The following CDH12 variants were observed in gnomAD, a reference collection of about 807,000 sequenced individuals.
CDH12 encodes cadherin 12.
CDH12 carries 41 observed loss-of-function variants against 74.1 expected under a neutral mutation model. That is an observed-to-expected ratio of 0.55 (90% CI 0.43 to 0.72). The LOEUF is 0.72. Ranked by LOEUF, CDH12 falls within the 30% of genes least tolerant of loss-of-function variation. The pLI is 0.00. For synonymous variants in CDH12, 399 were observed against 355.0 expected (o/e 1.12, Z -1.39); for missense variants, 945 against 977.2 (o/e 0.97, Z 0.44).
chr5:22,034,862 A>G (rs1473646070), intron 5 of CDH12, among the ~76,000 whole-genome samples: 1 of 152,162 alleles, frequency 6.6e-6, no homozygotes, highest in Non-Finnish European at 1.5e-5. Flanking sequence ...AATAAAATAA[A>G]GCTTTTTGAT....
intron 6 of CDH12, among the ~76,000 whole-genome samples, chr5:21,939,179 G>C (rs1166633653): frequency 6.6e-6 from 1 of 151,116 alleles, no homozygotes; most frequent in African/African-American, 2.4e-5. Flanking sequence ...AATAAAAGTT[G>C]TACTAAATTT....
chr5:22,091,666 T>C (rs1308540212), intron 4 of CDH12, among the ~76,000 whole-genome samples: 2 of 151,994 alleles, frequency 1.3e-5, no homozygotes, highest in Admixed American at 6.6e-5. Flanking sequence ...CTGTCAAAAT[T>C]CAAGCCACGA....
chr5:22,619,087 C>T (rs982855477), intron 1 of CDH12, among the ~76,000 whole-genome samples: 2 of 151,938 alleles, frequency 1.3e-5, no homozygotes, highest in Non-Finnish European at 1.5e-5. Context: ...ACCTTCTTAC[C>T]TTCTATTATT....
chr5:21,882,074 C>A (rs1390588547), intron 6 of CDH12, among the ~76,000 whole-genome samples: 1 of 152,182 alleles, frequency 6.6e-6, no homozygotes, highest in East Asian at 1.9e-4. Context: ...ATATATCAAA[C>A]AATATTGCCA....
At chr5:22,268,674 A>G (rs1736246393) in intron 3 of CDH12, among the ~76,000 whole-genome samples, 1 of 152,042 alleles carries the variant, frequency 6.6e-6, no homozygotes, top group Non-Finnish European at 1.5e-5. Flanking sequence ...TATTCCTTTT[A>G]TTTTTATAAT....
At chr5:22,180,771 G>T (rs1749600811) in intron 4 of CDH12, among the ~76,000 whole-genome samples, 1 of 152,000 alleles carries the variant, frequency 6.6e-6, no homozygotes, top group African/African-American at 2.4e-5. Context: ...AAAGTGCTGG[G>T]ATTATGGGCA....
chr5:21,863,466 T>G (rs1435441725), intron 6 of CDH12, among the ~76,000 whole-genome samples: 1 of 152,162 alleles, frequency 6.6e-6, no homozygotes, highest in African/African-American at 2.4e-5. Context: ...CCAACAGCCT[T>G]ATCATATTTA....
intron 1 of CDH12, among the ~76,000 whole-genome samples, chr5:22,529,869 A>G (rs1737508303): frequency 6.6e-6 from 1 of 152,178 alleles, no homozygotes; most frequent in African/African-American, 2.4e-5. Flanking sequence ...ACAGATGTTC[A>G]GCATGAATGG....
chr5:22,463,231 G>A (rs928752455), intron 2 of CDH12, among the ~76,000 whole-genome samples: 3 of 151,358 alleles, frequency 2.0e-5, no homozygotes, highest in South Asian at 2.1e-4. Context: ...TTACATTTGT[G>A]TGTGTGTAAA....
chr5:22,534,990 T>G (rs1025379877), intron 1 of CDH12, among the ~76,000 whole-genome samples: 21 of 148,280 alleles, frequency 1.4e-4, no homozygotes, highest in Admixed American at 2.7e-4. Context: ...TTTTTTTTTT[T>G]GAGACGGAGT....
At chr5:22,619,195 T>C (rs1737841381) in intron 1 of CDH12, among the ~76,000 whole-genome samples, 1 of 152,172 alleles carries the variant, frequency 6.6e-6, no homozygotes, top group African/African-American at 2.4e-5. Flanking sequence ...TTGGTCCCTA[T>C]ATCTTTCCAT....
At chr5:22,102,784 G>A (rs373087050) in intron 4 of CDH12, among the ~76,000 whole-genome samples, 3 of 152,128 alleles carry the variant, frequency 2.0e-5, no homozygotes, top group Admixed American at 6.5e-5. Flanking sequence ...TGAGAACTCC[G>A]TGGATTAATG....
chr5:22,738,874 C>A (rs551591349), intron 1 of CDH12, among the ~76,000 whole-genome samples: 1 of 152,078 alleles, frequency 6.6e-6, no homozygotes, highest in Non-Finnish European at 1.5e-5. Context: ...AATAGCATCA[C>A]CTCTTCCTGG....
At chr5:22,221,019 GAC>G (rs752017532) in intron 3 of CDH12, among the ~76,000 whole-genome samples, 2 of 142,720 alleles carry the variant, frequency 1.4e-5, no homozygotes, top group South Asian at 4.4e-4. Flanking sequence ...GACACACACA[GAC>G]ACACACACAT....
chr5:22,055,714 TAATA>T (rs1297784274), intron 5 of CDH12, among the ~76,000 whole-genome samples: 20 of 152,082 alleles, frequency 1.3e-4, no homozygotes, highest in Non-Finnish European at 1.5e-4. Context: ...ATACATGTAT[TAATA>T]AATAAAATCA....
At chr5:22,705,706 T>C (rs1742973022) in intron 1 of CDH12, among the ~76,000 whole-genome samples, 1 of 152,070 alleles carries the variant, frequency 6.6e-6, no homozygotes. Flanking sequence ...AGGGAGAAGA[T>C]AATTACATTT....
chr5:21,901,360 A>AT (rs1176601040), intron 6 of CDH12, among the ~76,000 whole-genome samples: 1 of 152,220 alleles, frequency 6.6e-6, no homozygotes, highest in African/African-American at 2.4e-5. Context: ...TCTAACTGGC[A>AT]TAGGTCCATG....
At chr5:22,192,930 C>G (rs1181897069) in intron 4 of CDH12, among the ~76,000 whole-genome samples, 1 of 152,044 alleles carries the variant, frequency 6.6e-6, no homozygotes, top group Non-Finnish European at 1.5e-5. Flanking sequence ...GAGTGAAGGC[C>G]TGTACTTAAA....
At position 21,780,557 on chromosome 5, in the gene CDH12, T is replaced by A. The variant is rs183045684; in HGVS notation, c.1393+2801A>T. Among the ~76,000 whole-genome samples the A allele has an allele frequency of 8.5e-5, 13 of 152,352 alleles. No individual in the cohort carries two copies. The East Asian group carries it at 2.3e-3, about 27-fold the overall frequency. ...TGCCTACATCAAGGAAACATGCACC[T>A]GTTTCATGTGTGTATGAATAGGAAG... On this transcript the variant is annotated intron_variant, in intron 11 of 14. Transcript: ENST00000382254.
Sources: gnomAD v4.1 joint callset for allele counts (sites outside exome capture counted in the v4.1 genomes callset) on GRCh38, gnomAD v4.1.1 for gene constraint, MANE v1.5 for transcripts, NCBI Gene and HGNC (gene_info 2026-07-23, HGNC 2026-07-21) for gene names.